Variants in PHACTR1 observed in about 807,000 individuals in gnomAD.
The protein encoded by PHACTR1 is RPEL repeat containing 1.
A neutral mutation model predicts 69.2 loss-of-function variants in PHACTR1; 16 were observed. The ratio of observed to expected loss-of-function variants is 0.23; its 90% CI spans 0.16 to 0.35. The LOEUF is 0.35. Ranked by LOEUF, PHACTR1 falls within the 10% of genes least tolerant of loss-of-function variation. The probability of loss-of-function intolerance (pLI) is 1.00; values close to 1 mark genes in which losing one functional copy is unlikely to be tolerated. For missense variants in PHACTR1, 510 were observed against 734.7 expected (o/e 0.69, Z 3.54); for synonymous variants, 312 against 284.5 (o/e 1.10, Z -0.97).
At chr6:12,875,707 C>T (rs545861649) in intron 4 of PHACTR1, among the ~76,000 whole-genome samples, 45 of 152,302 alleles carry the variant, frequency 3.0e-4, no homozygotes, top group Middle Eastern at 3.4e-3. Flanking sequence ...TCCCAGGCAG[C>T]GCTGAAGATT....
rs572525061 is a variant in PHACTR1 at position 13,252,881 on chromosome 6, A to G, written c.1392-19979A>G. On this transcript the variant is annotated intron_variant, in intron 10 of 14. Coordinates refer to ENST00000332995, the MANE Select transcript of PHACTR1 (RefSeq NM_030948.6). Reference sequence around the variant, plus strand: ...GGAGAATTATAGAAAACTTAGCAAAATATTGCAGCCAAAACCCCCCTCCAC... The same window carrying G: ...GGAGAATTATAGAAAACTTAGCAAAGTATTGCAGCCAAAACCCCCCTCCAC... 116 of 293,114 alleles carry G rather than the reference A, an allele frequency of 4.0e-4. 1 individual carries two copies. The highest frequency in any genetic ancestry group is 2.3e-3 in the African/African-American group (105 of 46,340). The allele number at this position is 293,114 out of a possible 1,614,324, so 18.2% of individuals were successfully genotyped here. A position where few individuals can be genotyped will look rare whatever the true frequency, so the allele number is the denominator to read the frequency against.
intron 8 of PHACTR1, 101 bp from the exon 9 acceptor site, chr6:13,227,715 G>C: frequency 6.9e-7 from 1 of 1,440,420 alleles, no homozygotes; most frequent in South Asian, 1.3e-5. Context: ...TAGACCCTTT[G>C]TCTCTTAGGA....
Position 12,902,735 on chromosome 6 carries a change from A to G in PHACTR1, c.251-150630A>G, listed in dbSNP as rs191791867. The stretch of plus-strand genomic sequence containing the variant: ...CTGGATGATGATTGAATGAATCAAT[A>G]CATTCATCAATATATGAAGAACATA... On this transcript the variant is annotated intron_variant, in intron 4 of 14. Transcript: ENST00000332995. 2.0e-5 allele frequency among the ~76,000 whole-genome samples: 3 copies of G among 152,346 alleles called. No homozygotes were observed. The East Asian group carries it at 5.8e-4, about 29-fold the overall frequency.
At chr6:13,235,585 T>C (rs1267138158) in intron 10 of PHACTR1, among the ~76,000 whole-genome samples, 1 of 152,144 alleles carries the variant, frequency 6.6e-6, no homozygotes, top group African/African-American at 2.4e-5. Flanking sequence ...CCCCCAGAAG[T>C]TGGAGCTTCA....
chr6:13,258,177 A>G (rs440530), intron 10 of PHACTR1, among the ~76,000 whole-genome samples: 90,525 of 151,698 alleles, frequency 0.6, 28,845 homozygotes, highest in Non-Finnish European at 0.72. Context: ...GGCCAACATG[A>G]TGAAACCCCG....
intron 10 of PHACTR1, among the ~76,000 whole-genome samples, chr6:13,248,614 G>A (rs202024): frequency 0.068 from 10,372 of 152,222 alleles, 681 homozygotes; most frequent in Admixed American, 0.22. Flanking sequence ...ATGTTGAGGT[G>A]ATCGCAAAGC....
rs184577697 is a variant in PHACTR1 at position 12,830,842 on chromosome 6, C to T, written c.250+81052C>T. 1.3e-3 allele frequency among the ~76,000 whole-genome samples: 196 copies of T among 152,076 alleles called. 2 individuals are homozygous for T. In the Middle Eastern group the frequency reaches 0.014, roughly 11 times the overall value. ...AACTCCCAACCTCAGGTGATCCACC[C>T]GTCTCGGCCTCCCAAAGTGCTGGGA... On this transcript the variant is annotated intron_variant, in intron 4 of 14. Transcript: ENST00000332995.
chr6:13,202,750 T>G lies in PHACTR1; in HGVS notation c.665-3065T>G, dbSNP rs562035697. On this transcript the variant is annotated intron_variant, in intron 7 of 14. Coordinates refer to ENST00000332995, the MANE Select transcript of PHACTR1 (RefSeq NM_030948.6). ...CCTCGGCCTCGAAAAGTGCTGGGATTACAGGCGTGGGCCACCGCGCCCGCC... is the reference window on the plus strand; with the variant it reads ...CCTCGGCCTCGAAAAGTGCTGGGATGACAGGCGTGGGCCACCGCGCCCGCC... Among the ~76,000 whole-genome samples the G allele has an allele frequency of 1.6e-4, 24 of 152,356 alleles. No homozygotes were observed. In the South Asian group the frequency reaches 5.0e-3, roughly 32 times the overall value.
intron 4 of PHACTR1, among the ~76,000 whole-genome samples, chr6:12,883,714 G>A (rs1783340376): frequency 6.6e-6 from 1 of 152,046 alleles, no homozygotes. Flanking sequence ...GGAACAAGTT[G>A]ATAAGATCTG....
At chr6:13,004,545 C>T (rs990157990) in intron 4 of PHACTR1, among the ~76,000 whole-genome samples, 1 of 151,978 alleles carries the variant, frequency 6.6e-6, no homozygotes, top group Admixed American at 6.6e-5. Flanking sequence ...TCAATATATC[C>T]TCTTGTTTAA....
chr6:12,950,860 T>TACCTTGTA (rs1791205528), intron 4 of PHACTR1, among the ~76,000 whole-genome samples: 1 of 152,216 alleles, frequency 6.6e-6, no homozygotes, highest in African/African-American at 2.4e-5. Context: ...CTGCAGTTGC[T>TACCTTGTA]ACCTTGTAAC....
intron 4 of PHACTR1, among the ~76,000 whole-genome samples, chr6:12,928,061 G>T (rs557002377): frequency 1.4e-5 from 2 of 140,942 alleles, no homozygotes; most frequent in African/African-American, 6.4e-5. Flanking sequence ...ATAAGCCATG[G>T]AGCCCCTCTG....
chr6:12,965,451 C>CTTTTTTTT (rs55640152), intron 4 of PHACTR1, among the ~76,000 whole-genome samples: 2 of 131,964 alleles, frequency 1.5e-5, no homozygotes, highest in Admixed American at 7.8e-5. Context: ...TATTTTGTGC[C>CTTTTTTTT]TTTTTTTTTT....
chr6:13,048,553 T>TGTGTGTGTGTGTGTGTGTGTGA (rs777967292), intron 4 of PHACTR1, among the ~76,000 whole-genome samples: 1 of 151,806 alleles, frequency 6.6e-6, no homozygotes, highest in African/African-American at 2.4e-5. Context: ...TGTGTGTGTG[T>TGTGTGTGTGTGTGTGTGTGTGA]GATGGAGTTT....
chr6:12,735,939 C>T (rs1428797477), intron 3 of PHACTR1, among the ~76,000 whole-genome samples: 1 of 152,202 alleles, frequency 6.6e-6, no homozygotes, highest in African/African-American at 2.4e-5. Context: ...CAGCCACCTC[C>T]TCTCCCTGTG....
At chr6:12,743,507 T>G (rs2127588942) in intron 3 of PHACTR1, among the ~76,000 whole-genome samples, 1 of 152,310 alleles carries the variant, frequency 6.6e-6, no homozygotes, top group East Asian at 1.9e-4. Flanking sequence ...CCATTAAATA[T>G]CTATATGATT....
intron 4 of PHACTR1, among the ~76,000 whole-genome samples, chr6:13,043,287 C>T (rs753725602): frequency 3.9e-5 from 6 of 152,110 alleles, no homozygotes; most frequent in African/African-American, 9.7e-5. Context: ...ATTAGCTGGG[C>T]GTGGTGGTGT....
intron 5 of PHACTR1, among the ~76,000 whole-genome samples, chr6:13,134,467 G>A (rs1000249994): frequency 1.3e-5 from 2 of 152,120 alleles, no homozygotes; most frequent in African/African-American, 2.4e-5. Flanking sequence ...TTCTGCCTTG[G>A]GATGCTGTTA....
chr6:13,238,215 A>G (rs115391334), intron 10 of PHACTR1, among the ~76,000 whole-genome samples: 77 of 152,300 alleles, frequency 5.1e-4, no homozygotes, highest in African/African-American at 1.8e-3. Context: ...GCACCTAGTG[A>G]CGCTGATAGC....
Sources: gnomAD v4.1 joint callset for allele counts (sites outside exome capture counted in the v4.1 genomes callset) on GRCh38, gnomAD v4.1.1 for gene constraint, MANE v1.5 for transcripts, NCBI Gene and HGNC (gene_info 2026-07-23, HGNC 2026-07-21) for gene names.